Variants in EYS observed in about 807,000 individuals in gnomAD.
EYS encodes the protein EGF-like photoreceptor maintenance factor.
A neutral mutation model predicts 282.1 loss-of-function variants in EYS; 250 were observed. The observed-to-expected ratio is 0.89, with a 90% confidence interval of 0.80 to 0.98. The LOEUF (loss-of-function observed/expected upper bound fraction) is 0.98, where lower values mean the gene tolerates loss of function less well. Ranked by LOEUF, EYS falls within the 50% of genes least tolerant of loss-of-function variation. The pLI is 0.00. For missense variants in EYS, 4,016 were observed against 3,709.0 expected (o/e 1.08, Z -2.15); for synonymous variants, 1,355 against 1,282.9 (o/e 1.06, Z -1.20).
At chr6:64,147,462 G>T (rs1413029214) in intron 31 of EYS, among the ~76,000 whole-genome samples, 1 of 152,150 alleles carries the variant, frequency 6.6e-6, no homozygotes. Context: ...TAGGCAAAGG[G>T]AGAATACAAT....
At chr6:63,868,670 T>G (rs1297508734) in intron 35 of EYS, among the ~76,000 whole-genome samples, 1 of 152,066 alleles carries the variant, frequency 6.6e-6, no homozygotes. Flanking sequence ...AGCCCAGGCT[T>G]TAGGAGGTAT....
intron 13 of EYS, among the ~76,000 whole-genome samples, chr6:65,017,764 A>G (rs1772101415): frequency 6.6e-6 from 1 of 152,166 alleles, no homozygotes; most frequent in African/African-American, 2.4e-5. Context: ...CATCTTTCCT[A>G]TCTCTTCTAT....
At chr6:63,869,263 T>G (rs954130812) in intron 35 of EYS, among the ~76,000 whole-genome samples, 1 of 152,126 alleles carries the variant, frequency 6.6e-6, no homozygotes, top group African/African-American at 2.4e-5. Context: ...TTAAAAACAC[T>G]TTTTTTCTTG....
chr6:65,282,009 A>C (rs375595560), intron 12 of EYS, among the ~76,000 whole-genome samples: 1 of 151,974 alleles, frequency 6.6e-6, no homozygotes. Flanking sequence ...TGAATGCTTA[A>C]TATGTGGAAT....
intron 22 of EYS, among the ~76,000 whole-genome samples, chr6:64,653,059 G>A (rs1768620486): frequency 6.6e-6 from 1 of 151,972 alleles, no homozygotes; most frequent in Non-Finnish European, 1.5e-5. Flanking sequence ...AGTAAGATGG[G>A]GTTATTAGAG....
At chr6:65,567,656 C>A (rs1464838745) in intron 2 of EYS, among the ~76,000 whole-genome samples, 1 of 152,060 alleles carries the variant, frequency 6.6e-6, no homozygotes, top group Non-Finnish European at 1.5e-5. Flanking sequence ...GAAAGCCTTA[C>A]ACTTGGTGAA....
intron 31 of EYS, among the ~76,000 whole-genome samples, chr6:64,108,901 G>C (rs75078648): frequency 0.066 from 10,012 of 152,088 alleles, 997 homozygotes; most frequent in African/African-American, 0.22. Flanking sequence ...CTTGGATAAT[G>C]TATTTTGACC....
At chr6:64,587,801 C>G (rs1349132197) in intron 26 of EYS, among the ~76,000 whole-genome samples, 1 of 151,802 alleles carries the variant, frequency 6.6e-6, no homozygotes, top group African/African-American at 2.4e-5. Flanking sequence ...CTATAGTAAC[C>G]AAGACAGTTT....
At chr6:65,270,769 G>C (rs1042750365) in intron 12 of EYS, among the ~76,000 whole-genome samples, 3 of 151,958 alleles carry the variant, frequency 2.0e-5, no homozygotes, top group African/African-American at 4.8e-5. Flanking sequence ...ATTCAGCAAA[G>C]TTCTTTGCTA....
At chr6:64,532,602 G>T (rs1764385247) in intron 26 of EYS, among the ~76,000 whole-genome samples, 1 of 152,016 alleles carries the variant, frequency 6.6e-6, no homozygotes, top group Non-Finnish European at 1.5e-5. Flanking sequence ...CCAGCTACTC[G>T]GGAGGCTGAG....
At chr6:64,258,306 T>C (rs1767470978) in intron 30 of EYS, among the ~76,000 whole-genome samples, 1 of 152,048 alleles carries the variant, frequency 6.6e-6, no homozygotes, top group Admixed American at 6.6e-5. Flanking sequence ...CCTCCTGCAG[T>C]AGCAAAGTAC....
chr6:64,334,518 ACTGG>A (rs1283708836), intron 29 of EYS, among the ~76,000 whole-genome samples: 4 of 152,140 alleles, frequency 2.6e-5, no homozygotes, highest in Non-Finnish European at 5.9e-5. Flanking sequence ...AATACTATGG[ACTGG>A]CCAGCTGGGC....
At position 65,135,165 on chromosome 6, in the gene EYS, A is replaced by G. The variant is rs374238761; in HGVS notation, c.2024-77438T>C. ...CCTAGGGAAATAATAGAGAAAATCT[A>G]TTTCAACTATGGGTGAGATGCTTTA... On this transcript the variant is annotated intron_variant, in intron 12 of 42. Transcript: ENST00000503581. Among the ~76,000 whole-genome samples the G allele has an allele frequency of 4.6e-5, 7 of 152,190 alleles. No individual in the cohort carries two copies. The East Asian group carries it at 1.4e-3, about 30-fold the overall frequency.
chr6:64,600,276 C>T (rs921171705), intron 24 of EYS, among the ~76,000 whole-genome samples: 1 of 59,732 alleles, frequency 1.7e-5, no homozygotes, highest in Admixed American at 1.7e-4. Context: ...CTGTTTTCCT[C>T]ATTAAGATAT....
intron 36 of EYS, among the ~76,000 whole-genome samples, chr6:63,851,327 T>C (rs954678225): frequency 6.6e-6 from 1 of 152,182 alleles, no homozygotes; most frequent in African/African-American, 2.4e-5. Flanking sequence ...GTGGACCTAA[T>C]AGACATCTAC....
chr6:63,847,279 T>C (rs1772124159), intron 36 of EYS, among the ~76,000 whole-genome samples: 1 of 152,222 alleles, frequency 6.6e-6, no homozygotes, highest in South Asian at 2.1e-4. Context: ...GGAAAACATG[T>C]AGATTTTGGA....
chr6:64,678,676 A>G (rs960051184), intron 22 of EYS, among the ~76,000 whole-genome samples: 3 of 152,176 alleles, frequency 2.0e-5, no homozygotes, highest in East Asian at 3.9e-4. Flanking sequence ...TTTGTTTCCA[A>G]TTTCACAATT....
intron 12 of EYS, among the ~76,000 whole-genome samples, chr6:65,292,867 T>C (rs1156520600): frequency 6.6e-6 from 1 of 151,706 alleles, no homozygotes; most frequent in African/African-American, 2.4e-5. Flanking sequence ...TAGAATAAAG[T>C]TGTCTGGTTG....
chr6:65,165,698 A>C (rs1343979956), intron 12 of EYS, among the ~76,000 whole-genome samples: 1 of 151,162 alleles, frequency 6.6e-6, no homozygotes, highest in African/African-American at 2.4e-5. Context: ...TTAGGAACAG[A>C]CCACAACATT....
Sources: allele counts gnomAD v4.1 joint callset (sites outside exome capture counted in the v4.1 genomes callset), GRCh38; gene constraint gnomAD v4.1.1; transcripts MANE v1.5; gene names NCBI Gene and HGNC (gene_info 2026-07-23, HGNC 2026-07-21).